The following HIPK1 variants were observed in gnomAD, a reference collection of about 807,000 sequenced individuals.
HIPK1 encodes homeodomain interacting protein kinase 1.
Under a neutral mutation model 117.1 loss-of-function variants are expected in HIPK1, and 28 were observed. That is an observed-to-expected ratio of 0.24 (90% CI 0.18 to 0.33). The LOEUF (loss-of-function observed/expected upper bound fraction) is 0.33. Ranked by LOEUF, HIPK1 falls within the 10% of genes least tolerant of loss-of-function variation. HIPK1 has a pLI of 1.00. For synonymous variants in HIPK1, 605 were observed against 562.5 expected (o/e 1.08, Z -1.07); for missense variants, 1,122 against 1,475.1 (o/e 0.76, Z 3.92).
chr1:113,967,998 A>G, intron 12 of HIPK1, 50 bp downstream of exon 12: 2 of 1,513,714 alleles, frequency 1.3e-6, no homozygotes, highest in Non-Finnish European at 1.8e-6. Flanking sequence ...TTTGAGAGAT[A>G]TGTTGCCTTG....
chr1:113,956,908 T>C (rs1349769666), intron 6 of HIPK1, 97 bp downstream of exon 6: 1 of 1,181,760 alleles, frequency 8.5e-7, no homozygotes, highest in Non-Finnish European at 1.2e-6. Context: ...ACTTTGGTGC[T>C]TATAAATCTG....
At chr1:113,955,751 G>T (rs1671674989) in intron 5 of HIPK1, 102 bp downstream of exon 5, 1 of 614,742 alleles carries the variant, frequency 1.6e-6, no homozygotes, top group Non-Finnish European at 2.9e-6. Flanking sequence ...TCTAGTATTT[G>T]TTTTCAGTTT....
At chr1:113,950,554 G>C (rs2101269969) in intron 2 of HIPK1, among the ~76,000 whole-genome samples, 2 of 152,290 alleles carry the variant, frequency 1.3e-5, no homozygotes, top group Admixed American at 1.3e-4. Flanking sequence ...GCCCAGGCTG[G>C]AGTGCAGTGG....
chr1:113,930,904 C>G (rs1367489136), intron 1 of HIPK1: 1 of 152,228 alleles, frequency 6.6e-6, no homozygotes, highest in Non-Finnish European at 1.5e-5. Flanking sequence ...TGTAGGTAGA[C>G]TCATTTAGAG....
Position 113,955,662 on chromosome 1 carries a change from A to T in HIPK1, c.1407+13A>T. ...TGACATGGCTCAGGTGAGTACGGAA[A>T]GTTTCAGAAAGTCAGACATTTATTT... On this transcript the variant is annotated intron_variant, in intron 5 of 15. Coordinates refer to ENST00000426820, the MANE Select transcript of HIPK1 (RefSeq NM_198268.3). 1 of 1,413,816 alleles carries T rather than the reference A, an allele frequency of 7.1e-7. No homozygotes were observed. Among genetic ancestry groups the T allele is most frequent in the South Asian group, 1.2e-5 (1 of 81,754 alleles). The allele number at this position is 1,413,816 out of a possible 1,614,324, so 87.6% of individuals were successfully genotyped here. A position where few individuals can be genotyped will look rare whatever the true frequency, so the allele number is the denominator to read the frequency against.
chr1:113,958,052 C>A lies in HIPK1; in HGVS notation c.1756-14C>A, dbSNP rs377590869. 5 of 1,570,526 alleles carry A rather than the reference C, an allele frequency of 3.2e-6. No homozygotes were observed. The highest frequency in any genetic ancestry group is 4.4e-6 in the Non-Finnish European group (5 of 1,140,570). On this transcript the variant is annotated splice_polypyrimidine_tract_variant and intron_variant, in intron 7 of 15. Coordinates refer to ENST00000426820, the MANE Select transcript of HIPK1 (RefSeq NM_198268.3). The stretch of plus-strand genomic sequence containing the variant: ...CTTAATACAAGTGTACAAATATAAT[C>A]CTTTTGTTTTTAGGCCAGTGTTCTA...
At position 113,962,927 on chromosome 1, in the gene HIPK1, G is replaced by A. The variant is rs1003380539; in HGVS notation, c.2104-460G>A. On this transcript the variant is annotated intron_variant, in intron 9 of 15. Transcript: ENST00000426820. ...TTCCTTCATTCCGTGTGTTTAACCA[G>A]ATTGTAGAAAGCTTTAAAACTTTAT... 5.9e-5 allele frequency among the ~76,000 whole-genome samples: 9 copies of A among 152,270 alleles called. No individual in the cohort carries two copies. In the South Asian group the frequency reaches 1.9e-3, roughly 32 times the overall value.
In HIPK1 at chr1:113,929,413, C is replaced by T. The variant is rs1041602348; in HGVS notation, c.-122C>T. ...GCGGAGGGGGCGGGAAGTCCAGGCC[C>T]CGCACTCGATCCACGCTGGCTCCCT... On this transcript the variant is annotated 5_prime_UTR_variant, in exon 1 of 16. Transcript: ENST00000426820. The T allele has an allele frequency of 2.3e-6, 3 of 1,289,214 alleles. No homozygotes were observed. The Admixed American group carries it at 6.9e-5, about 30-fold the overall frequency. 79.9% of individuals were successfully genotyped at this position (1,289,214 alleles called of 1,614,324 possible). A position where few individuals can be genotyped will look rare whatever the true frequency, so the allele number is the denominator to read the frequency against.
Position 113,940,690 on chromosome 1 carries a change from A to C in HIPK1, c.307A>C (p.Ser103Arg). The change falls in exon 2 of 16, where the codon AGC becomes CGC. Residue 103 changes from serine to arginine, a missense_variant. Transcript: ENST00000426820. ...TGCTGCTACATCAACCTTCCAAAGCAGCCAGACCCTGACTCACAGAAGCAA... is the reference window on the plus strand; with the variant it reads ...TGCTGCTACATCAACCTTCCAAAGCCGCCAGACCCTGACTCACAGAAGCAA... The part of the protein sequence containing the change: ...GSAATSTFQS[S>R]QTLTHRSNVS... The C allele has an allele frequency of 6.2e-7, 1 of 1,614,244 alleles. No individual in the cohort carries two copies.
In HIPK1 at chr1:113,966,276, AG is replaced by A; in HGVS notation, c.2381+5del. The stretch of plus-strand genomic sequence containing the variant: ...GACAGCAGCTAGCTGACTGGAGGCA[AG>A]TGTCCTGTGTTACTCTGGGAGATTT... On this transcript the variant is annotated splice_donor_5th_base_variant and intron_variant, in intron 11 of 15. Transcript: ENST00000426820. 6.2e-7 allele frequency: 1 copy of A among 1,613,058 alleles called. No homozygotes were observed. Among genetic ancestry groups the A allele is most frequent in the Non-Finnish European group, 8.5e-7 (1 of 1,179,508 alleles).
intron 1 of HIPK1, among the ~76,000 whole-genome samples, chr1:113,936,424 G>A (rs1013734468): frequency 6.6e-6 from 1 of 151,764 alleles, no homozygotes; most frequent in Non-Finnish European, 1.5e-5. Flanking sequence ...TGGCAATAAT[G>A]TTACTCTGCC....
chr1:113,940,823 T>C lies in HIPK1; in HGVS notation c.440T>C (p.Leu147Pro). 1 of 1,614,084 alleles carries C rather than the reference T, an allele frequency of 6.2e-7. No individual in the cohort carries two copies. Among genetic ancestry groups the C allele is most frequent in the Non-Finnish European group, 8.5e-7 (1 of 1,180,036 alleles). The change falls in exon 2 of 16, where the codon CTG becomes CCG. Residue 147 changes from leucine to proline, a missense_variant. Coordinates refer to ENST00000426820, the MANE Select transcript of HIPK1 (RefSeq NM_198268.3). ...QIIEEHPPLMLQNRTVVGAAA... is the reference protein window; with the variant it reads ...QIIEEHPPLMPQNRTVVGAAA... Reference sequence around the variant, plus strand: ...ATAGAAGAACATCCCCCTCTCATGCTGCAAAACAGGACTGTGGTGGGTGCT... The same window carrying C: ...ATAGAAGAACATCCCCCTCTCATGCCGCAAAACAGGACTGTGGTGGGTGCT...
Position 113,974,374 on chromosome 1 carries a change from A to G in HIPK1, c.*862A>G, listed in dbSNP as rs950537166. ...CTTAAATTTTTTTATCGAAAAAGCC[A>G]TTAAGGTGGTTATTATTACATGGTG... On this transcript the variant is annotated 3_prime_UTR_variant, in exon 16 of 16. Coordinates refer to ENST00000426820, the MANE Select transcript of HIPK1 (RefSeq NM_198268.3). The G allele has an allele frequency of 7.2e-5, 11 of 152,770 alleles. No homozygotes were observed. The highest frequency in any genetic ancestry group is 1.5e-4 in the Non-Finnish European group (10 of 68,022). The allele number at this position is 152,770 out of a possible 1,614,324, so 9.5% of individuals were successfully genotyped here.
At chr1:113,955,493 C>A in intron 4 of HIPK1, 70 bp from the exon 5 acceptor site, 1 of 927,060 alleles carries the variant, frequency 1.1e-6, no homozygotes, top group Non-Finnish European at 1.7e-6. Context: ...TGTATTCTGG[C>A]TTTGGTTTTG....
intron 2 of HIPK1, among the ~76,000 whole-genome samples, chr1:113,944,538 C>T (rs1670865264): frequency 6.8e-6 from 1 of 147,698 alleles, no homozygotes; most frequent in South Asian, 2.1e-4. Flanking sequence ...GGCTGGAGTG[C>T]AGTGGCACAA....
In HIPK1 at chr1:113,941,491, G is replaced by C. The variant is rs1670632771; in HGVS notation, c.1076+32G>C. ...GGCAAATGCTGAAAATCGTATCTTAGGCTAGAGTTCTGTCCTTATATTTAA... is the reference window on the plus strand; with the variant it reads ...GGCAAATGCTGAAAATCGTATCTTACGCTAGAGTTCTGTCCTTATATTTAA... On this transcript the variant is annotated intron_variant, in intron 2 of 15. Coordinates refer to ENST00000426820, the MANE Select transcript of HIPK1 (RefSeq NM_198268.3). The surrounding 1 kb of genome is among the most constrained non-coding windows in gnomAD (Gnocchi z 4.9). 6.5e-7 allele frequency: 1 copy of C among 1,547,338 alleles called. No individual in the cohort carries two copies. Among genetic ancestry groups the C allele is most frequent in the African/African-American group, 1.4e-5 (1 of 73,686 alleles).
intron 1 of HIPK1, among the ~76,000 whole-genome samples, chr1:113,939,292 G>T (rs1404832503): frequency 6.6e-6 from 1 of 151,390 alleles, no homozygotes; most frequent in Non-Finnish European, 1.5e-5. Flanking sequence ...AGGACTACAG[G>T]CATGTGCCAC....
intron 1 of HIPK1, among the ~76,000 whole-genome samples, chr1:113,934,190 G>A (rs1670100348): frequency 6.6e-6 from 1 of 152,196 alleles, no homozygotes; most frequent in African/African-American, 2.4e-5. Context: ...GTATGAAAGA[G>A]GCAAAGATAA....
intron 1 of HIPK1, among the ~76,000 whole-genome samples, chr1:113,935,756 G>A (rs1352785150): frequency 6.6e-6 from 1 of 152,018 alleles, no homozygotes; most frequent in Non-Finnish European, 1.5e-5. Flanking sequence ...GTTTTGATTT[G>A]CATTTCTCTA....
Sources: allele counts gnomAD v4.1 joint callset (sites outside exome capture counted in the v4.1 genomes callset), GRCh38; gene constraint gnomAD v4.1.1; non-coding constraint Gnocchi (gnomAD v3.1); transcripts MANE v1.5; gene names NCBI Gene and HGNC (gene_info 2026-07-23, HGNC 2026-07-21).